CNDP1: variants seen among roughly 807,000 people sequenced by gnomAD.
CNDP1 encodes carnosine dipeptidase 1, also known as beta-Ala-His dipeptidase.
A neutral mutation model predicts 58.1 loss-of-function variants in CNDP1; 44 were observed. That is an observed-to-expected ratio of 0.76 (90% CI 0.60 to 0.97). The LOEUF (loss-of-function observed/expected upper bound fraction) is 0.97. Among genes scored for constraint, CNDP1 ranks in the 50% least tolerant of loss-of-function variants. The pLI is 0.00. For missense variants in CNDP1, 616 were observed against 655.1 expected, an observed-to-expected ratio of 0.94 and a Z score of 0.65; for synonymous variants, 254 against 252.6, an observed-to-expected ratio of 1.01 and a Z score of -0.05.
In CNDP1 at chr18:74,560,887, C is replaced by T. The variant is rs75457026; in HGVS notation, c.335C>T (p.Pro112Leu). ...GATGGTCAGAGTCTTCCAATACCTC[C>T]CGTCATCCTGGCCGAACTGGGGAGC... ...LPDGQSLPIP[P>L]VILAELGSDP... Residue 112 changes from proline to leucine, a missense_variant, in exon 4 of 12, where the codon CCC (proline) becomes CTC (leucine). Coordinates refer to ENST00000358821, the MANE Select transcript of CNDP1 (RefSeq NM_032649.6). The T allele has an allele frequency of 6.2e-7, 1 of 1,614,126 alleles. No individual in the cohort carries two copies. Among genetic ancestry groups the T allele is most frequent in the South Asian group, 1.1e-5 (1 of 91,082 alleles).
intron 3 of CNDP1, 68 bp downstream of exon 3, chr18:74,559,540 T>C: frequency 2.0e-6 from 3 of 1,485,644 alleles, no homozygotes; most frequent in Non-Finnish European, 2.7e-6. Context: ...TTCCCGGGGG[T>C]GGCAAGGGAG....
In CNDP1 at chr18:74,585,577, C is replaced by T. The variant is rs1028391828; in HGVS notation, c.*1015C>T. The T allele has an allele frequency of 6.6e-6, 1 of 152,062 alleles. No individual in the cohort carries two copies. The allele number at this position is 152,062 out of a possible 1,614,324, so 9.4% of individuals were successfully genotyped here. ...GGTGTAAACAACAAAAAAAGACAGT[C>T]ATTTTTCTACAGTTGAGTGTATATA... On this transcript the variant is annotated 3_prime_UTR_variant, in exon 12 of 12. Coordinates refer to ENST00000358821, the MANE Select transcript of CNDP1 (RefSeq NM_032649.6).
At position 74,560,883 on chromosome 18, in the gene CNDP1, C is replaced by A. The variant is rs1283038469; in HGVS notation, c.331C>A (p.Pro111Thr). The change falls in exon 4 of 12, where the codon CCT becomes ACT. Residue 111 changes from proline (P) to threonine (T), a missense_variant. Transcript: ENST00000358821. ...QLPDGQSLPI[P>T]PVILAELGSD... ...GCCCGATGGTCAGAGTCTTCCAATA[C>A]CTCCCGTCATCCTGGCCGAACTGGG... 2 of 1,614,050 alleles carry A rather than the reference C, an allele frequency of 1.2e-6. No homozygotes were observed. Among genetic ancestry groups the A allele is most frequent in the Non-Finnish European group, 1.7e-6 (2 of 1,179,944 alleles).
In CNDP1 at chr18:74,571,548, G is replaced by A. The variant is rs531047782; in HGVS notation, c.841+278G>A. On this transcript the variant is annotated intron_variant, in intron 7 of 11. Transcript: ENST00000358821. ...AAGGACAAGAGGGCAGAGACTCAAAGGATACAAAAGACTGACAGGCCACCC... is the reference window on the plus strand; with the variant it reads ...AAGGACAAGAGGGCAGAGACTCAAAAGATACAAAAGACTGACAGGCCACCC... Among the ~76,000 whole-genome samples, 4 of 152,310 alleles carry A rather than the reference G, an allele frequency of 2.6e-5. No individual in the cohort carries two copies. In the East Asian group the frequency reaches 7.7e-4, roughly 29 times the overall value.
At chr18:74,560,823 T>C in intron 3 of CNDP1, 33 bp from the exon 4 acceptor site, 1 of 1,595,210 alleles carries the variant, frequency 6.3e-7, no homozygotes, top group Non-Finnish European at 8.6e-7. Flanking sequence ...CAACACAGCA[T>C]TTTTGAAAAT....
Position 74,562,685 on chromosome 18 carries a change from C to T in CNDP1, c.555+550C>T, listed in dbSNP as rs562831917. Among the ~76,000 whole-genome samples the T allele has an allele frequency of 4.6e-5, 7 of 152,294 alleles. No individual in the cohort carries two copies. The East Asian group carries it at 1.4e-3, about 29-fold the overall frequency. On this transcript the variant is annotated intron_variant, in intron 5 of 11. Transcript: ENST00000358821. Reference sequence around the variant, plus strand: ...CTCTCTTTAGAAGTCCAAATAAGGGCTCTGGAGCAGAGGCAGGGGTACATA... The same window carrying T: ...CTCTCTTTAGAAGTCCAAATAAGGGTTCTGGAGCAGAGGCAGGGGTACATA...
chr18:74,548,291 C>G (rs1373525309), intron 1 of CNDP1, among the ~76,000 whole-genome samples: 5 of 152,128 alleles, frequency 3.3e-5, no homozygotes, highest in Non-Finnish European at 5.9e-5. Context: ...TCCCTCCTGG[C>G]TTGGTGCTGT....
At chr18:74,572,656 T>C (rs1305186063) in intron 7 of CNDP1, among the ~76,000 whole-genome samples, 4 of 151,558 alleles carry the variant, frequency 2.6e-5, no homozygotes, top group Non-Finnish European at 4.4e-5. Flanking sequence ...GGCATGATGG[T>C]GTAGGCCTGT....
In CNDP1 at chr18:74,571,238, A is replaced by T. The variant is rs776622894; in HGVS notation, c.809A>T (p.His270Leu). 6.2e-6 allele frequency: 10 copies of T among 1,613,234 alleles called. No homozygotes were observed. Among genetic ancestry groups the T allele is most frequent in the Non-Finnish European group, 5.9e-6 (7 of 1,179,232 alleles). The change falls in exon 7 of 12, where the codon CAT (histidine) becomes CTT (leucine). Residue 270 changes from histidine (H) to leucine (L), a missense_variant. Coordinates refer to ENST00000358821, the MANE Select transcript of CNDP1 (RefSeq NM_032649.6). ...FHSGTFGGIL[H>L]EPMADLVALL... ...TCAGGAACCTTTGGTGGCATCCTTC[A>T]TGAACCAATGGCTGATCTGGTTGCT... is the stretch of plus-strand genomic sequence containing the variant.
chr18:74,537,857 C>T (rs763416738), intron 1 of CNDP1, among the ~76,000 whole-genome samples: 5 of 152,190 alleles, frequency 3.3e-5, no homozygotes, highest in Admixed American at 1.3e-4. Context: ...CCACATAAAG[C>T]GGCATTCTTG....
intron 5 of CNDP1, among the ~76,000 whole-genome samples, 164 bp downstream of exon 5, chr18:74,562,299 G>GT (rs1338661271): frequency 6.6e-6 from 1 of 152,214 alleles, no homozygotes; most frequent in Non-Finnish European, 1.5e-5. Flanking sequence ...GATAAGGACA[G>GT]TAAGTCTTGG....
rs570580042 is a variant in CNDP1, at chr18:74,556,531, G to A, written c.153+65G>A. On this transcript the variant is annotated intron_variant, in intron 2 of 11. Coordinates refer to ENST00000358821, the MANE Select transcript of CNDP1 (RefSeq NM_032649.6). ...GGATTATATCCTTTGGTATTTGGGTGAGACAATTATTTGCTTGGAGATGTG... is the reference window on the plus strand; with the variant it reads ...GGATTATATCCTTTGGTATTTGGGTAAGACAATTATTTGCTTGGAGATGTG... 7 of 1,588,880 alleles carry A rather than the reference G, an allele frequency of 4.4e-6. No individual in the cohort carries two copies. In the African/African-American group the frequency reaches 9.4e-5, roughly 21 times the overall value.
intron 1 of CNDP1, among the ~76,000 whole-genome samples, chr18:74,542,831 T>C (rs1164658577): frequency 1.3e-5 from 2 of 152,170 alleles, no homozygotes; most frequent in South Asian, 2.1e-4. Flanking sequence ...ACTAGAACAC[T>C]GTTTGAGAAC....
rs369940326 is a variant in CNDP1, at chr18:74,583,764, G to A, written c.1457+56G>A. ...TCTTCTTCCTTTACTGCACACACCC[G>A]GGTCTACACGTGGGTGAGCTCCTGT... On this transcript the variant is annotated intron_variant, in intron 11 of 11. Transcript: ENST00000358821. The A allele has an allele frequency of 1.2e-4, 178 of 1,541,526 alleles. 5 individuals carry two copies. In the South Asian group the frequency reaches 1.7e-3, roughly 15 times the overall value.
Position 74,583,703 on chromosome 18 carries a change from C to A in CNDP1, c.1452C>A (p.Ile484=), listed in dbSNP as rs1981844949. The change falls in exon 11 of 12, where the codon ATC becomes ATA. Residue 484 remains isoleucine (I), a synonymous_variant. Coordinates refer to ENST00000358821, the MANE Select transcript of CNDP1 (RefSeq NM_032649.6). ...GAGAACATTCGCAGAATGAGAAAATCAACAGGTCAGCTGATGCCTGTGCAA... is the reference window on the plus strand; with the variant it reads ...GAGAACATTCGCAGAATGAGAAAATAAACAGGTCAGCTGATGCCTGTGCAA... ...DDGEHSQNEK[I]NRWNYIEGTK... 1.2e-6 allele frequency: 2 copies of A among 1,614,130 alleles called. No homozygotes were observed. The highest frequency in any genetic ancestry group is 1.7e-5 in the Admixed American group (1 of 60,016).
rs917258902 is a variant in CNDP1 at position 74,534,530 on chromosome 18, G to A, written c.-138G>A. 3.8e-5 allele frequency: 32 copies of A among 851,212 alleles called. No individual in the cohort carries two copies. Among genetic ancestry groups the A allele is most frequent in the Admixed American group, 1.5e-4 (7 of 47,946 alleles). The allele number at this position is 851,212 out of a possible 1,614,324, so 52.7% of individuals were successfully genotyped here. A position where few individuals can be genotyped will look rare whatever the true frequency, so the allele number is the denominator to read the frequency against. On this transcript the variant is annotated 5_prime_UTR_variant, in exon 1 of 12. Transcript: ENST00000358821. ...TGAATAGCTCCACTATACCAGCCTC[G>A]TCTTCCTTCCGGGGGACAACGTGGG...
chr18:74,555,961 C>T (rs1035109655), intron 1 of CNDP1, among the ~76,000 whole-genome samples: 1 of 152,060 alleles, frequency 6.6e-6, no homozygotes, highest in Admixed American at 6.5e-5. Context: ...AAGATTTTTG[C>T]GTGTTTGTTT....
Position 74,577,022 on chromosome 18 carries a change from A to T in CNDP1, c.995A>T (p.Asp332Val). Residue 332 changes from aspartate (D) to valine (V), a missense_variant, in exon 8 of 12, where the codon GAT becomes GTT. Transcript: ENST00000358821. The part of the protein sequence containing the change: ...NSSRVEKFLF[D>V]TKEEILMHLW... The stretch of plus-strand genomic sequence containing the variant: ...AGCCGGGTTGAGAAATTTCTGTTCG[A>T]TACTAAGGTATGGCCACAGACTGAT... 2 of 1,611,646 alleles carry T rather than the reference A, an allele frequency of 1.2e-6. No homozygotes were observed. Among genetic ancestry groups the T allele is most frequent in the Non-Finnish European group, 1.7e-6 (2 of 1,178,810 alleles).
At chr18:74,568,777 G>A (rs986086447) in intron 6 of CNDP1, among the ~76,000 whole-genome samples, 1 of 152,150 alleles carries the variant, frequency 6.6e-6, no homozygotes, top group Non-Finnish European at 1.5e-5. Flanking sequence ...GGGAAGAGAA[G>A]GGATGGGAGG....
Sources: gnomAD v4.1 joint callset for allele counts (sites outside exome capture counted in the v4.1 genomes callset) on GRCh38, gnomAD v4.1.1 for gene constraint, MANE v1.5 for transcripts, NCBI Gene and HGNC (gene_info 2026-07-23, HGNC 2026-07-21) for gene names.